Variants in FRMD4B observed in about 807,000 individuals in gnomAD.
The protein encoded by FRMD4B is FERM domain-containing protein 4B.
Under a neutral mutation model 141.5 loss-of-function variants are expected in FRMD4B, and 74 were observed. The ratio of observed to expected loss-of-function variants is 0.52; its 90% CI spans 0.43 to 0.63. The LOEUF (loss-of-function observed/expected upper bound fraction) is 0.63, where lower values mean the gene tolerates loss of function less well. Ranked by LOEUF, FRMD4B falls within the 30% of genes least tolerant of loss-of-function variation. FRMD4B has a pLI of 0.00. For missense variants in FRMD4B, 1,366 were observed against 1,253.4 expected, an observed-to-expected ratio of 1.09 and a Z score of -1.36; for synonymous variants, 506 against 467.9, an observed-to-expected ratio of 1.08 and a Z score of -1.05.
chr3:69,293,358 C>G (rs1325143697), intron 4 of FRMD4B, among the ~76,000 whole-genome samples: 16 of 151,874 alleles, frequency 1.1e-4, no homozygotes, highest in Admixed American at 1.1e-3. Flanking sequence ...GTCTTGAGGT[C>G]TTGGGGTAGC....
chr3:69,345,412 A>T (rs1702901733), intron 1 of FRMD4B, among the ~76,000 whole-genome samples: 1 of 152,238 alleles, frequency 6.6e-6, no homozygotes, highest in Non-Finnish European at 1.5e-5. Flanking sequence ...CTCTGGGGGC[A>T]GGGCATAGCC....
chr3:69,539,311 G>A (rs906665576), intron 1 of FRMD4B, among the ~76,000 whole-genome samples: 2 of 152,134 alleles, frequency 1.3e-5, no homozygotes, highest in Non-Finnish European at 2.9e-5. Context: ...GGAGAACTAG[G>A]ATTCTCAGGC....
chr3:69,169,353 C>CTTTTTTTTTTT lies in FRMD4B; in HGVS notation c.*2497_*2507dup, dbSNP rs140202368. ...AGGATTGCTGAACTTCCATTTCTTT[C>CTTTTTTTTTTT]TTTTTTTTTTTTTTTTTTTTTTCTT... On this transcript the variant is annotated 3_prime_UTR_variant, in exon 23 of 23. Coordinates refer to ENST00000398540, the MANE Select transcript of FRMD4B (RefSeq NM_015123.3). Among the ~76,000 whole-genome samples the CTTTTTTTTTTT allele has an allele frequency of 3.4e-5, 1 of 29,286 alleles. No homozygotes were observed. The highest frequency in any genetic ancestry group is 6.4e-5 in the African/African-American group (1 of 15,666). The allele number at this position is 29,286 out of a possible 152,430, so 19.2% of individuals were successfully genotyped here.
intron 12 of FRMD4B, 95 bp from the exon 13 acceptor site, chr3:69,197,133 T>C: frequency 1.1e-6 from 1 of 919,510 alleles, no homozygotes. Context: ...AGCATGTTCC[T>C]CTTACCTGTC....
intron 1 of FRMD4B, among the ~76,000 whole-genome samples, chr3:69,439,775 T>C (rs1276516710): frequency 6.6e-6 from 1 of 152,246 alleles, no homozygotes; most frequent in Non-Finnish European, 1.5e-5. Context: ...TCTGCTATTG[T>C]GACGGGCATA....
In FRMD4B at chr3:69,171,145, C is replaced by G. The variant is rs1264351328; in HGVS notation, c.*716G>C. 1 of 152,130 alleles carries G rather than the reference C, an allele frequency of 6.6e-6. No homozygotes were observed. The highest frequency in any genetic ancestry group is 1.5e-5 in the Non-Finnish European group (1 of 68,030). 9.4% of individuals were successfully genotyped at this position (152,130 alleles called of 1,614,324 possible). ...TACCTTAGAATGTTCTCCAAGCAGA[C>G]TTTGTCAATTATTCAGTGGGCTGCT... On this transcript the variant is annotated 3_prime_UTR_variant, in exon 23 of 23. Transcript: ENST00000398540.
rs1701083345 is a variant in FRMD4B at position 69,536,268 on chromosome 3, C to T, written c.-129+5938G>A. On this transcript the variant is annotated intron_variant, in intron 1 of 5. Transcript: ENST00000459638. ...TTGGCCTTTTCCGCTCTCCTGGGGA[C>T]CATCAGGGGGCCATCTCCCTGGGCT... 3.6e-5 allele frequency: 22 copies of T among 617,410 alleles called. 1 individual carries two copies. The South Asian group carries it at 4.0e-4, about 11-fold the overall frequency. 38.2% of individuals were successfully genotyped at this position (617,410 alleles called of 1,614,324 possible).
chr3:69,344,910 C>T (rs917102157), intron 1 of FRMD4B, among the ~76,000 whole-genome samples: 4 of 152,128 alleles, frequency 2.6e-5, no homozygotes, highest in South Asian at 2.1e-4. Flanking sequence ...CCAGCTTGAG[C>T]GATGCAGAAG....
At chr3:69,434,828 T>C (rs1705236057) in intron 1 of FRMD4B, among the ~76,000 whole-genome samples, 1 of 152,160 alleles carries the variant, frequency 6.6e-6, no homozygotes, top group African/African-American at 2.4e-5. Context: ...AGGGCTGCCG[T>C]AACAAAATAC....
At chr3:69,435,002 CT>C (rs1705238431) in intron 1 of FRMD4B, among the ~76,000 whole-genome samples, 1 of 152,160 alleles carries the variant, frequency 6.6e-6, no homozygotes, top group South Asian at 2.1e-4. Context: ...CCAAACACCC[CT>C]GGTACCACTT....
At position 69,170,660 on chromosome 3, in the gene FRMD4B, A is replaced by G. The variant is rs1193904398; in HGVS notation, c.*1201T>C. 1 of 152,176 alleles carries G rather than the reference A, an allele frequency of 6.6e-6. No homozygotes were observed. The highest frequency in any genetic ancestry group is 6.5e-5 in the Admixed American group (1 of 15,280). The allele number at this position is 152,176 out of a possible 1,614,324, so 9.4% of individuals were successfully genotyped here. On this transcript the variant is annotated 3_prime_UTR_variant, in exon 23 of 23. Coordinates refer to ENST00000398540, the MANE Select transcript of FRMD4B (RefSeq NM_015123.3). ...AAGATGACAAAAAAGATCAATCTGGAATATGGAAATCATTTGCTTTAAAAA... is the reference window on the plus strand; with the variant it reads ...AAGATGACAAAAAAGATCAATCTGGGATATGGAAATCATTTGCTTTAAAAA...
rs191931533 is a variant in FRMD4B, at chr3:69,359,517, A to G, written c.162+26311T>C. 2.6e-5 allele frequency among the ~76,000 whole-genome samples: 4 copies of G among 152,348 alleles called. No individual in the cohort carries two copies. The East Asian group carries it at 5.8e-4, about 22-fold the overall frequency. On this transcript the variant is annotated intron_variant, in intron 1 of 22. Coordinates refer to ENST00000398540, the MANE Select transcript of FRMD4B (RefSeq NM_015123.3). ...TATTTAAGGTCTCCTTCAGGATCACATGTTTTAGCAGCTGGAGGGGGTGCA... is the reference window on the plus strand; with the variant it reads ...TATTTAAGGTCTCCTTCAGGATCACGTGTTTTAGCAGCTGGAGGGGGTGCA...
chr3:69,276,433 T>C, intron 5 of FRMD4B, among the ~76,000 whole-genome samples: 1 of 152,048 alleles, frequency 6.6e-6, no homozygotes, highest in African/African-American at 2.4e-5. Flanking sequence ...CCATCATGCC[T>C]GGCTAATTTT....
intron 1 of FRMD4B, among the ~76,000 whole-genome samples, chr3:69,443,052 T>C (rs1705363804): frequency 6.6e-6 from 1 of 152,150 alleles, no homozygotes; most frequent in Non-Finnish European, 1.5e-5. Flanking sequence ...GTTAATGAGA[T>C]GGCTGGGGGA....
At chr3:69,396,157 A>G (rs1704470132) in intron 2 of FRMD4B, among the ~76,000 whole-genome samples, 1 of 152,134 alleles carries the variant, frequency 6.6e-6, no homozygotes, top group Non-Finnish European at 1.5e-5. Context: ...GATCTAAGGG[A>G]AGGCACAACA....
At chr3:69,195,464 A>C in intron 14 of FRMD4B, 100 bp from the exon 15 acceptor site, 2 of 895,078 alleles carry the variant, frequency 2.2e-6, no homozygotes, top group South Asian at 4.2e-5. Flanking sequence ...ATTAAATGGT[A>C]GTTTATTTCT....
At chr3:69,437,866 G>A (rs1705284725) in intron 1 of FRMD4B, among the ~76,000 whole-genome samples, 1 of 124,594 alleles carries the variant, frequency 8.0e-6, no homozygotes, top group Non-Finnish European at 1.6e-5. Context: ...TATATATGTA[G>A]TATATATGTA....
chr3:69,252,063 C>T (rs1457984550), intron 5 of FRMD4B, among the ~76,000 whole-genome samples: 1 of 152,124 alleles, frequency 6.6e-6, no homozygotes, highest in African/African-American at 2.4e-5. Flanking sequence ...AAAATTACTG[C>T]CAACTCCTCT....
chr3:69,184,753 C>T (rs564925601), intron 19 of FRMD4B, among the ~76,000 whole-genome samples: 1 of 152,336 alleles, frequency 6.6e-6, no homozygotes, highest in East Asian at 1.9e-4. Flanking sequence ...ATAGGACTTT[C>T]TGCAATGACA....
Sources: gnomAD v4.1 joint callset for allele counts (sites outside exome capture counted in the v4.1 genomes callset) on GRCh38, gnomAD v4.1.1 for gene constraint, MANE v1.5 for transcripts, NCBI Gene and HGNC (gene_info 2026-07-23, HGNC 2026-07-21) for gene names.